The following ZNF76 variants were observed in gnomAD, a reference collection of about 807,000 sequenced individuals.
ZNF76 encodes the protein zinc finger protein 523.
ZNF76 carries 66 observed loss-of-function variants against 66.9 expected under a neutral mutation model. That is an observed-to-expected ratio of 0.99 (90% CI 0.81 to 1.21). ZNF76 has a LOEUF of 1.21. Among genes scored for constraint, ZNF76 ranks in the 50% most tolerant of loss-of-function variants. ZNF76 has a pLI of 0.00. For missense variants in ZNF76, 729 were observed against 760.3 expected (o/e 0.96, Z 0.48); for synonymous variants, 275 against 296.1 (o/e 0.93, Z 0.73).
intron 1 of ZNF76, among the ~76,000 whole-genome samples, chr6:35,264,935 A>C (rs1399038176): frequency 1.3e-5 from 2 of 152,080 alleles, no homozygotes; most frequent in Non-Finnish European, 2.9e-5. Flanking sequence ...AGAGGGACTG[A>C]GGGCTGGAGA....
chr6:35,295,716 C>T lies in ZNF76; in HGVS notation c.*468C>T. The T allele has an allele frequency of 4.7e-6, 1 of 215,000 alleles. No individual in the cohort carries two copies. The highest frequency in any genetic ancestry group is 7.2e-5 in the South Asian group (1 of 13,916). The allele number at this position is 215,000 out of a possible 1,614,324, so 13.3% of individuals were successfully genotyped here. Reference sequence around the variant, plus strand: ...CCTGGAGGCCAGCTGAGATGCCTGGCTACTTGGCACCAGGGACTTCCTGAC... The same window carrying T: ...CCTGGAGGCCAGCTGAGATGCCTGGTTACTTGGCACCAGGGACTTCCTGAC... On this transcript the variant is annotated 3_prime_UTR_variant, in exon 14 of 14. Transcript: ENST00000373953.
At chr6:35,275,213 A>G (rs1337757263) in intron 1 of ZNF76, among the ~76,000 whole-genome samples, 7 of 151,766 alleles carry the variant, frequency 4.6e-5, no homozygotes, top group African/African-American at 1.7e-4. Flanking sequence ...TAGTTCTGGG[A>G]GAGTCAAGAG....
chr6:35,291,755 C>A lies in ZNF76; in HGVS notation c.931+18C>A. The A allele has an allele frequency of 4.4e-6, 7 of 1,602,340 alleles. No individual in the cohort carries two copies. Among genetic ancestry groups the A allele is most frequent in the Non-Finnish European group, 5.9e-6 (7 of 1,179,834 alleles). On this transcript the variant is annotated intron_variant, in intron 9 of 13. Coordinates refer to ENST00000373953, the MANE Select transcript of ZNF76 (RefSeq NM_003427.5). The stretch of plus-strand genomic sequence containing the variant: ...CCACACAGGTGGGCTAGCTGGCATG[C>A]GAGGACTACCCTCACTCAGGCCCCA...
At chr6:35,293,331 T>C (rs1790711175) in intron 11 of ZNF76, among the ~76,000 whole-genome samples, 1 of 152,194 alleles carries the variant, frequency 6.6e-6, no homozygotes, top group South Asian at 2.1e-4. Flanking sequence ...GGGATGTCCT[T>C]CTCAAGAGAG....
intron 13 of ZNF76, 26 bp downstream of exon 13, chr6:35,294,595 G>A (rs768286774): frequency 2.1e-5 from 31 of 1,493,086 alleles, no homozygotes; most frequent in Non-Finnish European, 2.9e-5. Flanking sequence ...GGAGGAAAGG[G>A]GATCCCACGG....
chr6:35,266,172 T>TC (rs1786028249), intron 1 of ZNF76, among the ~76,000 whole-genome samples: 2 of 151,670 alleles, frequency 1.3e-5, no homozygotes, highest in South Asian at 4.2e-4. Flanking sequence ...TTTTTTTTTT[T>TC]CAAGACATCT....
intron 12 of ZNF76, chr6:35,294,133 C>A (rs780324202): frequency 1.6e-6 from 1 of 618,172 alleles, no homozygotes; most frequent in Non-Finnish European, 2.8e-6. Flanking sequence ...TCAATTCAAC[C>A]CTGATTTGTT....
intron 1 of ZNF76, among the ~76,000 whole-genome samples, chr6:35,275,154 CA>C (rs1287592929): frequency 4.0e-4 from 54 of 136,186 alleles, no homozygotes; most frequent in Admixed American, 6.0e-4. Flanking sequence ...GACTCCATCT[CA>C]AAAAAAAAAA....
At chr6:35,266,276 C>G (rs1786050490) in intron 1 of ZNF76, among the ~76,000 whole-genome samples, 1 of 152,076 alleles carries the variant, frequency 6.6e-6, no homozygotes, top group Non-Finnish European at 1.5e-5. Context: ...CCTCAGCCTC[C>G]TGAGTAGCTG....
chr6:35,280,616 G>A lies in ZNF76; in HGVS notation c.-96-440G>A, dbSNP rs576414469. Reference sequence around the variant, plus strand: ...TAGTTCTGGAAGGTTGGGACACATTGTGAGTTCTGTTGAGGACTTATTCCA... The same window carrying A: ...TAGTTCTGGAAGGTTGGGACACATTATGAGTTCTGTTGAGGACTTATTCCA... On this transcript the variant is annotated intron_variant, in intron 1 of 13. Coordinates refer to ENST00000373953, the MANE Select transcript of ZNF76 (RefSeq NM_003427.5). Among the ~76,000 whole-genome samples, 8 of 146,522 alleles carry A rather than the reference G, an allele frequency of 5.5e-5. No homozygotes were observed. In the East Asian group the frequency reaches 1.4e-3, roughly 26 times the overall value.
intron 5 of ZNF76, among the ~76,000 whole-genome samples, chr6:35,288,741 G>A (rs190363848): frequency 6.6e-6 from 1 of 152,340 alleles, no homozygotes; most frequent in African/African-American, 2.4e-5. Context: ...TGGATCGCTT[G>A]AGTCCAGGAG....
At position 35,292,890 on chromosome 6, in the gene ZNF76, C is replaced by T. The variant is rs201236290; in HGVS notation, c.1175C>T (p.Ala392Val). The change falls in exon 11 of 14, where the codon GCA becomes GTA. Residue 392 changes from alanine to valine, a missense_variant. Transcript: ENST00000373953. The surrounding 1 kb of genome is among the most constrained non-coding windows in gnomAD (Gnocchi z 4.7). ...YEQQQLEAAS[A>V]AEESPPPKRP... ...GGCTCTCCTCTCCCAGCCGCCTCTG[C>T]AGCCGAGGAGAGTCCGCCACCCAAA... 4 of 1,614,172 alleles carry T rather than the reference C, an allele frequency of 2.5e-6. No homozygotes were observed. The highest frequency in any genetic ancestry group is 3.4e-6 in the Non-Finnish European group (4 of 1,180,016).
rs141754419 is a variant in ZNF76 at position 35,292,945 on chromosome 6, G to A, written c.1230G>A (p.Val410=). The A allele has an allele frequency of 1.6e-4, 260 of 1,614,232 alleles. 1 individual carries two copies. In the African/African-American group the frequency reaches 2.9e-3, roughly 18 times the overall value. The part of the protein sequence containing the change: ...KRPRIAYLSE[V]KEERDDIPAQ... ...CCCGGATAGCTTACCTTTCGGAGGT[G>A]AAGGAAGAGAGAGATGACATCCCAG... Residue 410 remains valine (V), a synonymous_variant, in exon 11 of 14, where the codon GTG becomes GTA. Transcript: ENST00000373953. The surrounding 1 kb of genome is among the most constrained non-coding windows in gnomAD (Gnocchi z 4.7).
intron 1 of ZNF76, among the ~76,000 whole-genome samples, chr6:35,268,493 AAAAC>A (rs1030103469): frequency 8.5e-5 from 13 of 152,054 alleles, no homozygotes; most frequent in Admixed American, 1.3e-4. Context: ...GAAAAAAGAA[AAAAC>A]AAACAAACAA....
chr6:35,293,836 C>G lies in ZNF76; in HGVS notation c.1415C>G (p.Pro472Arg), dbSNP rs1410624693. 2.5e-6 allele frequency: 4 copies of G among 1,614,200 alleles called. No individual in the cohort carries two copies. The African/African-American group carries it at 4.0e-5, about 16-fold the overall frequency. Residue 472 changes from proline to arginine, a missense_variant, in exon 12 of 14, where the codon CCC (proline) becomes CGC (arginine). Pro to Arg is a moderately radical substitution (Grantham distance 103). Transcript: ENST00000373953. ...TQHGSTTLTI[P>R]SPDADLATSG... ...CACGGCAGCACCACCCTCACCATCC[C>G]CAGTCCTGATGCCGACCTGGCCACA...
At chr6:35,259,904 A>AC (rs932158242) in intron 1 of ZNF76, 63 bp downstream of exon 1, 1 of 151,554 alleles carries the variant, frequency 6.6e-6, no homozygotes, top group African/African-American at 2.4e-5. Context: ...CGGGCGCAGG[A>AC]CCCCGGGAAG....
Position 35,293,875 on chromosome 6 carries a change from C to G in ZNF76, c.1454C>G (p.Thr485Arg). Residue 485 changes from threonine to arginine, a missense_variant, in exon 12 of 14, where the codon ACA becomes AGA. Coordinates refer to ENST00000373953, the MANE Select transcript of ZNF76 (RefSeq NM_003427.5). ...GACCTGGCCACATCTGGCACACATA[C>G]AGTCACCATGGTCAGCGCCGATGGC... is the stretch of plus-strand genomic sequence containing the variant. ...DADLATSGTH[T>R]VTMVSADGTQ... is the part of the protein sequence containing the mutation. The G allele has an allele frequency of 5.0e-6, 8 of 1,614,206 alleles. No homozygotes were observed. The highest frequency in any genetic ancestry group is 6.8e-6 in the Non-Finnish European group (8 of 1,180,026).
At position 35,292,012 on chromosome 6, in the gene ZNF76, C is replaced by T; in HGVS notation, c.931+275C>T. The T allele has an allele frequency of 1.9e-6, 1 of 538,270 alleles. No homozygotes were observed. The allele number at this position is 538,270 out of a possible 1,614,324, so 33.3% of individuals were successfully genotyped here. A position where few individuals can be genotyped will look rare whatever the true frequency, so the allele number is the denominator to read the frequency against. The stretch of plus-strand genomic sequence containing the variant: ...TCTACACCCACCCTGAGTTCTCCAA[C>T]TCTGACTGAACTCTTGAAAAGAGGC... On this transcript the variant is annotated intron_variant, in intron 9 of 13. Transcript: ENST00000373953. The surrounding 1 kb of genome is among the most constrained non-coding windows in gnomAD (Gnocchi z 4.7).
intron 1 of ZNF76, among the ~76,000 whole-genome samples, chr6:35,266,746 C>G (rs184409500): frequency 1.3e-5 from 2 of 150,410 alleles, no homozygotes; most frequent in African/African-American, 4.9e-5. Flanking sequence ...ACGCAGGCCT[C>G]TGTCTCTTCA....
Sources: allele counts gnomAD v4.1 joint callset (sites outside exome capture counted in the v4.1 genomes callset), GRCh38; gene constraint gnomAD v4.1.1; non-coding constraint Gnocchi (gnomAD v3.1); transcripts MANE v1.5; gene names NCBI Gene and HGNC (gene_info 2026-07-23, HGNC 2026-07-21).